Variants in UGT1A5 observed in about 807,000 individuals in gnomAD.
UGT1A5 encodes UDP glucuronosyltransferase family 1 member A5.
Under a neutral mutation model 40.3 loss-of-function variants are expected in UGT1A5, and 29 were observed. The observed-to-expected ratio is 0.72, with a 90% CI of 0.54 to 0.98. The LOEUF (loss-of-function observed/expected upper bound fraction) is 0.98. UGT1A5 is among the 50% of genes least tolerant of loss of function. The pLI is 0.00. For missense variants in UGT1A5, 678 were observed against 677.9 expected, an observed-to-expected ratio of 1.00 and a Z score of 0.00; for synonymous variants, 257 against 262.5, an observed-to-expected ratio of 0.98 and a Z score of 0.20.
intron 1 of UGT1A5, among the ~76,000 whole-genome samples, chr2:233,726,343 G>T (rs1236966840): frequency 5.3e-5 from 8 of 152,068 alleles, no homozygotes; most frequent in Non-Finnish European, 7.4e-5. Context: ...GTGGTTTTTT[G>T]ATTTATTTAT....
intron 1 of UGT1A5, among the ~76,000 whole-genome samples, chr2:233,727,606 A>T (rs554046773): frequency 6.6e-6 from 1 of 152,298 alleles, no homozygotes; most frequent in Admixed American, 6.5e-5. Flanking sequence ...TTGGAGGAAT[A>T]GTTCAGAGGC....
chr2:233,718,386 A>T (rs1466849872), intron 1 of UGT1A5, among the ~76,000 whole-genome samples: 1 of 152,240 alleles, frequency 6.6e-6, no homozygotes, highest in East Asian at 1.9e-4. Context: ...AAGAGTTTCA[A>T]GGGTTAGCAA....
intron 1 of UGT1A5, chr2:233,754,785 C>A (rs751766973): frequency 1.7e-6 from 2 of 1,177,776 alleles, no homozygotes; most frequent in Non-Finnish European, 2.3e-6. Context: ...GCCAAAGGAA[C>A]GAAATCCTGT....
intron 1 of UGT1A5, chr2:233,754,508 T>C (rs1695500116): frequency 2.8e-6 from 1 of 361,410 alleles, no homozygotes; most frequent in East Asian, 7.3e-5. Flanking sequence ...CCGCTATTCC[T>C]CCAGATGTGC....
intron 3 of UGT1A5, 72 bp downstream of exon 3, chr2:233,768,008 C>A (rs1699546066): frequency 1.9e-6 from 3 of 1,613,978 alleles, no homozygotes; most frequent in Admixed American, 1.7e-5. Context: ...CACAGCTATT[C>A]TAAAGGATTG....
intron 1 of UGT1A5, among the ~76,000 whole-genome samples, chr2:233,728,329 C>T (rs541948735): frequency 6.6e-6 from 1 of 152,154 alleles, no homozygotes; most frequent in Admixed American, 6.5e-5. Flanking sequence ...GGCTCCAGCT[C>T]CCCCAGTCCC....
At chr2:233,753,876 C>T (rs1268305886) in intron 1 of UGT1A5, among the ~76,000 whole-genome samples, 1 of 152,310 alleles carries the variant, frequency 6.6e-6, no homozygotes, top group East Asian at 1.9e-4. Flanking sequence ...AAGGTCTGTC[C>T]TCAGCCTTCA....
Position 233,747,654 on chromosome 2 carries a change from G to A in UGT1A5, c.868-19380G>A, listed in dbSNP as rs538867928. 1.4e-5 allele frequency: 22 copies of A among 1,591,158 alleles called. No individual in the cohort carries two copies. In the South Asian group the frequency reaches 2.4e-4, roughly 18 times the overall value. On this transcript the variant is annotated intron_variant, in intron 1 of 4. Coordinates refer to ENST00000373414, the MANE Select transcript of UGT1A5 (RefSeq NM_019078.2). ...GCACCTGAATGCTACTTCCTTCGAT[G>A]TGGTTTTAATAGACCCAATTTACCT...
In UGT1A5 at chr2:233,713,123, G is replaced by T. The variant is rs571793851; in HGVS notation, c.132G>T (p.Met44Ile). ...CTGATGGCAGCCACTGGCTCAGCAT[G>T]CGGGAGGCCTTGCGGGACCTCCATG... is the stretch of plus-strand genomic sequence containing the variant. ...VPTDGSHWLS[M>I]REALRDLHAR... Residue 44 changes from methionine (M) to isoleucine (I), a missense_variant, in exon 1 of 5, where the codon ATG (methionine) becomes ATT (isoleucine). Coordinates refer to ENST00000373414, the MANE Select transcript of UGT1A5 (RefSeq NM_019078.2). 6.2e-7 allele frequency: 1 copy of T among 1,614,234 alleles called. No homozygotes were observed. Among genetic ancestry groups the T allele is most frequent in the South Asian group, 1.1e-5 (1 of 91,082 alleles).
At chr2:233,757,553 T>TATATATATATATATACATATAC (rs1164104376) in intron 1 of UGT1A5, among the ~76,000 whole-genome samples, 4 of 136,130 alleles carry the variant, frequency 2.9e-5, no homozygotes, top group Admixed American at 7.1e-5. Context: ...TATATATATA[T>TATATATATATATATACATATAC]ATATATATGT....
intron 4 of UGT1A5, 57 bp from the exon 5 acceptor site, chr2:233,772,205 A>T: frequency 6.2e-7 from 1 of 1,608,796 alleles, no homozygotes; most frequent in Non-Finnish European, 8.5e-7. Flanking sequence ...GAGCATAAAG[A>T]GAGGATTGTT....
intron 4 of UGT1A5, chr2:233,771,063 C>A (rs913473960): frequency 6.6e-6 from 1 of 152,106 alleles, no homozygotes; most frequent in Non-Finnish European, 1.5e-5. Context: ...ATGACCGGCT[C>A]TCACAATAAC....
intron 1 of UGT1A5, among the ~76,000 whole-genome samples, chr2:233,739,926 A>G (rs1487240865): frequency 2.0e-5 from 3 of 151,650 alleles, no homozygotes; most frequent in Non-Finnish European, 4.4e-5. Context: ...CATAATCCCC[A>G]TGTGTTAAGG....
At position 233,772,646 on chromosome 2, in the gene UGT1A5, A is replaced by C; in HGVS notation, c.*87A>C. 6.5e-7 allele frequency: 1 copy of C among 1,549,870 alleles called. No homozygotes were observed. The highest frequency in any genetic ancestry group is 8.7e-7 in the Non-Finnish European group (1 of 1,147,250). ...ACAGAATCAGTGTTAAATTCATTTT[A>C]TTCTTATTAAGGAAATACTTTGCAT... On this transcript the variant is annotated 3_prime_UTR_variant, in exon 5 of 5. Coordinates refer to ENST00000373414, the MANE Select transcript of UGT1A5 (RefSeq NM_019078.2).
chr2:233,764,888 C>G (rs1553621888), intron 1 of UGT1A5, among the ~76,000 whole-genome samples: 1 of 147,412 alleles, frequency 6.8e-6, no homozygotes, highest in Non-Finnish European at 1.5e-5. Context: ...AAGGCAAAGA[C>G]AAAGCCCTTA....
chr2:233,747,353 C>A, intron 1 of UGT1A5: 12 of 1,602,858 alleles, frequency 7.5e-6, no homozygotes, highest in Non-Finnish European at 1.0e-5. Flanking sequence ...TGCGGGAGGC[C>A]GTGCGGGAGC....
chr2:233,755,793 G>T (rs1244262397), intron 1 of UGT1A5: 1 of 152,190 alleles, frequency 6.6e-6, no homozygotes, highest in African/African-American at 2.4e-5. Flanking sequence ...CATATGTACT[G>T]CATTAGAGAT....
At chr2:233,747,182 T>C (rs1414882979) in intron 1 of UGT1A5, 87 of 1,602,200 alleles carry the variant, frequency 5.4e-5, no homozygotes, top group South Asian at 4.3e-4. Flanking sequence ...CAGCGTGGGG[T>C]GGACAGTCAG....
intron 1 of UGT1A5, among the ~76,000 whole-genome samples, chr2:233,742,394 T>C (rs553013500): frequency 6.6e-6 from 1 of 152,130 alleles, no homozygotes; most frequent in South Asian, 2.1e-4. Flanking sequence ...GCTCATGTTA[T>C]TATTTGTAGT....
Sources: allele counts gnomAD v4.1 joint callset (sites outside exome capture counted in the v4.1 genomes callset), GRCh38; gene constraint gnomAD v4.1.1; transcripts MANE v1.5; gene names NCBI Gene and HGNC (gene_info 2026-07-23, HGNC 2026-07-21).